Variants in PDE10A observed in about 807,000 individuals in gnomAD.
PDE10A encodes cAMP and cAMP-inhibited cGMP 3',5'-cyclic phosphodiesterase 10A.
In PDE10A, 39 loss-of-function variants were observed where a neutral mutation model predicts 97.7. The ratio of observed to expected loss-of-function variants is 0.40; its 90% CI spans 0.31 to 0.52. PDE10A has a LOEUF of 0.52. Ranked by LOEUF, PDE10A falls within the 20% of genes least tolerant of loss-of-function variation. PDE10A has a pLI of 0.56. For missense variants in PDE10A, 731 were observed against 1,047.8 expected, an observed-to-expected ratio of 0.70 and a Z score of 4.17; for synonymous variants, 371 against 376.8, an observed-to-expected ratio of 0.98 and a Z score of 0.18.
intron 1 of PDE10A, among the ~76,000 whole-genome samples, chr6:165,876,254 G>T (rs1781342772): frequency 6.6e-6 from 1 of 152,102 alleles, no homozygotes; most frequent in Non-Finnish European, 1.5e-5. Flanking sequence ...ATTAAAAAAA[G>T]CAAAACCAGC....
chr6:165,479,640 T>A (rs1779488230), intron 3 of PDE10A, among the ~76,000 whole-genome samples: 1 of 152,220 alleles, frequency 6.6e-6, no homozygotes, highest in Admixed American at 6.5e-5. Flanking sequence ...AACACACATA[T>A]ACACATCCAT....
At chr6:165,411,774 A>G (rs1266946006) in intron 13 of PDE10A, among the ~76,000 whole-genome samples, 1 of 152,234 alleles carries the variant, frequency 6.6e-6, no homozygotes, top group African/African-American at 2.4e-5. Flanking sequence ...GATAGTATCT[A>G]TTTAACAGAG....
intron 21 of PDE10A, among the ~76,000 whole-genome samples, chr6:165,333,602 G>A (rs1381858714): frequency 2.0e-5 from 3 of 152,178 alleles, no homozygotes; most frequent in Non-Finnish European, 4.4e-5. Flanking sequence ...ATTCTGAACA[G>A]TGTGTCGTAT....
rs149786182 is a variant in PDE10A, at chr6:165,744,569, A to AT, written c.-614-201002dup. Reference sequence around the variant, plus strand: ...CATTTATAAAAAGCCCAGAGAACTAATTTTTTTTTCATAAATTTGAAGGAA... The same window carrying AT: ...CATTTATAAAAAGCCCAGAGAACTAATTTTTTTTTTCATAAATTTGAAGGAA... On this transcript the variant is annotated intron_variant, in intron 1 of 19. Coordinates refer to the PDE10A transcript ENST00000366882. Among the ~76,000 whole-genome samples the AT allele has an allele frequency of 1.1e-4, 17 of 151,518 alleles. 1 individual carries two copies. The highest frequency in any genetic ancestry group is 4.1e-4 in the African/African-American group (17 of 41,294).
At chr6:165,956,006 G>A (rs979688341) in intron 1 of PDE10A, among the ~76,000 whole-genome samples, 1 of 152,140 alleles carries the variant, frequency 6.6e-6, no homozygotes. Flanking sequence ...TCTATAAAAT[G>A]GAAACATCTG....
intron 1 of PDE10A, among the ~76,000 whole-genome samples, chr6:165,603,194 T>C (rs1224123972): frequency 6.6e-6 from 1 of 152,174 alleles, no homozygotes; most frequent in Non-Finnish European, 1.5e-5. Flanking sequence ...AAACGTACAA[T>C]AGGGGCCATG....
intron 1 of PDE10A, among the ~76,000 whole-genome samples, chr6:165,871,666 T>C (rs1781207574): frequency 1.3e-5 from 2 of 152,144 alleles, no homozygotes; most frequent in African/African-American, 4.8e-5. Context: ...GAATTAGCAG[T>C]GGGTGGATTT....
intron 1 of PDE10A, among the ~76,000 whole-genome samples, chr6:165,752,065 C>T (rs1270607618): frequency 7.1e-6 from 1 of 140,808 alleles, no homozygotes; most frequent in East Asian, 2.1e-4. Flanking sequence ...ATGATGTGAA[C>T]CCGGGAGCCG....
At chr6:165,715,601 C>T (rs1010222709) in intron 1 of PDE10A, among the ~76,000 whole-genome samples, 1 of 152,142 alleles carries the variant, frequency 6.6e-6, no homozygotes, top group African/African-American at 2.4e-5. Flanking sequence ...CACCCATGCA[C>T]ATGCATGTAC....
chr6:165,354,314 G>A (rs1045645913), intron 18 of PDE10A, among the ~76,000 whole-genome samples: 6 of 152,138 alleles, frequency 3.9e-5, no homozygotes, highest in African/African-American at 1.4e-4. Context: ...AAACTCATCA[G>A]CCATCCTGAA....
At chr6:165,636,148 T>C (rs1242475896) in intron 1 of PDE10A, among the ~76,000 whole-genome samples, 1 of 152,236 alleles carries the variant, frequency 6.6e-6, no homozygotes, top group African/African-American at 2.4e-5. Context: ...CTAGGACATA[T>C]GATGCATATT....
chr6:165,917,317 TG>T (rs11314402), intron 1 of PDE10A, among the ~76,000 whole-genome samples: 71,443 of 151,952 alleles, frequency 0.47, 16,903 homozygotes, highest in African/African-American at 0.49. Flanking sequence ...ACCAAGAGCA[TG>T]GCCATGGCTG....
Position 165,382,040 on chromosome 6 carries a change from G to C in PDE10A, c.2611-2674C>G, listed in dbSNP as rs115679773. On this transcript the variant is annotated intron_variant, in intron 17 of 21. Transcript: ENST00000539869. ...GTTGATTCCATTTTGCATAAATCAAGCATGAAATAGTAGACTTTTTACACC... is the reference window on the plus strand; with the variant it reads ...GTTGATTCCATTTTGCATAAATCAACCATGAAATAGTAGACTTTTTACACC... 6.9e-3 allele frequency among the ~76,000 whole-genome samples: 1,055 copies of C among 152,172 alleles called. 10 individuals are homozygous for C. The highest frequency in any genetic ancestry group is 0.024 in the African/African-American group (1,014 of 41,482).
chr6:165,570,663 T>C (rs560290905), intron 1 of PDE10A, among the ~76,000 whole-genome samples: 2 of 152,358 alleles, frequency 1.3e-5, no homozygotes, highest in East Asian at 3.9e-4. Flanking sequence ...AGAAAATCAA[T>C]GCTATATAAG....
At chr6:165,629,470 T>C (rs1788531409) in intron 1 of PDE10A, among the ~76,000 whole-genome samples, 1 of 152,030 alleles carries the variant, frequency 6.6e-6, no homozygotes, top group South Asian at 2.1e-4. Context: ...TTTTGTTAAT[T>C]AGATATAGTT....
chr6:165,462,842 T>A (rs1007373972), intron 3 of PDE10A, among the ~76,000 whole-genome samples: 2 of 152,332 alleles, frequency 1.3e-5, no homozygotes, highest in Middle Eastern at 3.4e-3. Flanking sequence ...TATTTATCAA[T>A]CTTGGCTGGC....
At chr6:165,773,133 A>G (rs1385607250) in intron 1 of PDE10A, 1 of 152,250 alleles carries the variant, frequency 6.6e-6, no homozygotes, top group Non-Finnish European at 1.5e-5. Context: ...TGATCTTAAA[A>G]TACGCACATC....
At chr6:165,381,133 T>C (rs1013220930) in intron 17 of PDE10A, among the ~76,000 whole-genome samples, 1 of 152,164 alleles carries the variant, frequency 6.6e-6, no homozygotes, top group Admixed American at 6.5e-5. Context: ...AAAAGAAATA[T>C]CTCTAAAATA....
intron 1 of PDE10A, among the ~76,000 whole-genome samples, chr6:165,799,784 T>C (rs998709092): frequency 6.6e-6 from 1 of 152,208 alleles, no homozygotes. Flanking sequence ...GCAGATATTA[T>C]CATTCTTACC....
Sources: gnomAD v4.1 joint callset for allele counts (sites outside exome capture counted in the v4.1 genomes callset) on GRCh38, gnomAD v4.1.1 for gene constraint, MANE v1.5 for transcripts, NCBI Gene and HGNC (gene_info 2026-07-23, HGNC 2026-07-21) for gene names.